Variants in KIAA1217 observed in about 807,000 individuals in gnomAD.
The protein encoded by KIAA1217 is sickle tail protein homolog.
Under a neutral mutation model 163.9 loss-of-function variants are expected in KIAA1217, and 88 were observed. That is an observed-to-expected ratio of 0.54 (90% CI 0.45 to 0.64). KIAA1217 has a LOEUF of 0.64. Among genes scored for constraint, KIAA1217 ranks in the 30% least tolerant of loss-of-function variants. The pLI, the probability that KIAA1217 is intolerant of heterozygous loss-of-function variation, is 0.00. For synonymous variants in KIAA1217, 903 were observed against 923.1 expected (o/e 0.98, Z 0.39); for missense variants, 2,372 against 2,475.0 (o/e 0.96, Z 0.88).
At position 24,154,505 on chromosome 10, in the gene KIAA1217, T is replaced by A. The variant is rs143130269; in HGVS notation, c.-170-65121T>A. Among the ~76,000 whole-genome samples the A allele has an allele frequency of 4.6e-5, 7 of 152,188 alleles. No homozygotes were observed. The East Asian group carries it at 1.4e-3, about 29-fold the overall frequency. On this transcript the variant is annotated intron_variant, in intron 2 of 18. Transcript: ENST00000376462. Reference sequence around the variant, plus strand: ...TTATTGGAAGGATTAAATAAGATAATATAAAAGCACTTAGTGCATTGTGTG... The same window carrying A: ...TTATTGGAAGGATTAAATAAGATAAAATAAAAGCACTTAGTGCATTGTGTG...
chr10:24,308,241 A>G (rs911987885), intron 2 of KIAA1217, among the ~76,000 whole-genome samples: 16 of 152,172 alleles, frequency 1.1e-4, no homozygotes, highest in Non-Finnish European at 2.4e-4. Context: ...CTGATAGCAC[A>G]TGTGTTTCAG....
Position 24,212,866 on chromosome 10 carries a change from C to G in KIAA1217, c.70+3603C>G, listed in dbSNP as rs60288572. 1.5e-4 allele frequency among the ~76,000 whole-genome samples: 23 copies of G among 152,336 alleles called. No homozygotes were observed. In the East Asian group the frequency reaches 3.1e-3, roughly 20 times the overall value. On this transcript the variant is annotated intron_variant, in intron 1 of 20. Transcript: ENST00000376454. ...ACTGGGCAACCTAACAGAGCACTCA[C>G]TGGGCACTGTAGAAGGCACTCAATA... is the stretch of plus-strand genomic sequence containing the variant.
intron 2 of KIAA1217, among the ~76,000 whole-genome samples, chr10:24,323,311 T>G (rs1049984717): frequency 2.0e-5 from 3 of 152,204 alleles, no homozygotes; most frequent in Admixed American, 6.5e-5. Flanking sequence ...TGTTAAACAC[T>G]GGATTAATGG....
intron 1 of KIAA1217, among the ~76,000 whole-genome samples, chr10:23,717,360 T>A (rs1393465389): frequency 6.6e-6 from 1 of 152,142 alleles, no homozygotes; most frequent in East Asian, 1.9e-4. Flanking sequence ...GCACGTACTA[T>A]AGTCCAGGCA....
chr10:23,898,828 A>G lies in KIAA1217; in HGVS notation c.-320-108397A>G, dbSNP rs557544262. On this transcript the variant is annotated intron_variant, in intron 1 of 18. Coordinates refer to the KIAA1217 transcript ENST00000376462. ...ATATACATTTAAAGTGGAATCATAC[A>G]GTATTTGTCTTTTTGTCCCTAGCTT... Among the ~76,000 whole-genome samples, 6 of 152,168 alleles carry G rather than the reference A, an allele frequency of 3.9e-5. No individual in the cohort carries two copies. In the East Asian group the frequency reaches 1.2e-3, roughly 30 times the overall value.
intron 2 of KIAA1217, among the ~76,000 whole-genome samples, chr10:24,033,535 T>G (rs575168739): frequency 2.6e-5 from 4 of 152,368 alleles, no homozygotes; most frequent in African/African-American, 9.6e-5. Context: ...GAGACCATCA[T>G]GACACTTACC....
At position 24,461,192 on chromosome 10, in the gene KIAA1217, G is replaced by T. The variant is rs116416027; in HGVS notation, c.847-12036G>T. Among the ~76,000 whole-genome samples, 799 of 152,030 alleles carry T rather than the reference G, an allele frequency of 5.3e-3. 10 individuals carry two copies. The highest frequency in any genetic ancestry group is 0.019 in the African/African-American group (769 of 41,476). ...ACATCAATTCATTGTTTCAGTTTAG[G>T]TATATCATATCATCAAACTAAAATA... On this transcript the variant is annotated intron_variant, in intron 5 of 20. Transcript: ENST00000376454.
At chr10:23,855,524 C>T (rs1329915886) in intron 1 of KIAA1217, among the ~76,000 whole-genome samples, 21 of 152,144 alleles carry the variant, frequency 1.4e-4, no homozygotes, top group East Asian at 5.8e-4. Flanking sequence ...AGTATCTTTG[C>T]GGCATTCTCT....
intron 1 of KIAA1217, among the ~76,000 whole-genome samples, chr10:23,852,270 A>G (rs944599681): frequency 3.3e-5 from 5 of 152,012 alleles, no homozygotes; most frequent in African/African-American, 7.2e-5. Context: ...ATTAAATAGG[A>G]AATCCTTTCC....
chr10:24,460,274 AT>A (rs2062249086), intron 5 of KIAA1217, among the ~76,000 whole-genome samples: 1 of 152,214 alleles, frequency 6.6e-6, no homozygotes, highest in African/African-American at 2.4e-5. Flanking sequence ...TGTATAACAA[AT>A]GGCATCAATT....
At chr10:23,722,119 G>A (rs1270490701) in intron 1 of KIAA1217, among the ~76,000 whole-genome samples, 1 of 152,154 alleles carries the variant, frequency 6.6e-6, no homozygotes, top group Non-Finnish European at 1.5e-5. Context: ...TGAATCCAAT[G>A]ATATGAGTTA....
At chr10:23,727,751 C>T (rs1355032319) in intron 1 of KIAA1217, among the ~76,000 whole-genome samples, 2 of 152,086 alleles carry the variant, frequency 1.3e-5, no homozygotes, top group African/African-American at 2.4e-5. Context: ...CACTCATCAA[C>T]CTATCATCTA....
intron 3 of KIAA1217, among the ~76,000 whole-genome samples, chr10:24,387,794 C>T (rs1453246690): frequency 6.6e-6 from 1 of 151,968 alleles, no homozygotes; most frequent in Non-Finnish European, 1.5e-5. Context: ...TGAGTGAACT[C>T]CCATTCACAA....
chr10:24,040,617 T>G (rs1848590618), intron 2 of KIAA1217, among the ~76,000 whole-genome samples: 1 of 152,156 alleles, frequency 6.6e-6, no homozygotes, highest in Non-Finnish European at 1.5e-5. Context: ...TTTGCAAACG[T>G]GGTGGTTCAT....
chr10:24,538,776 C>G (rs1282038595), intron 17 of KIAA1217, among the ~76,000 whole-genome samples: 1 of 136,484 alleles, frequency 7.3e-6, no homozygotes, highest in Non-Finnish European at 1.5e-5. Flanking sequence ...ACTCTGTCAC[C>G]CAGGCTGGAT....
chr10:23,998,698 G>A (rs757390497), intron 1 of KIAA1217, among the ~76,000 whole-genome samples: 4 of 152,214 alleles, frequency 2.6e-5, no homozygotes, highest in Non-Finnish European at 4.4e-5. Flanking sequence ...ATTAGTTGGG[G>A]AAACTGGGCA....
In KIAA1217 at chr10:24,545,644, A is replaced by T. The variant is rs2075658760; in HGVS notation, c.5335-183A>T. 9.3e-6 allele frequency: 13 copies of T among 1,398,764 alleles called. No individual in the cohort carries two copies. In the East Asian group the frequency reaches 3.1e-4, roughly 34 times the overall value. 86.6% of individuals were successfully genotyped at this position (1,398,764 alleles called of 1,614,324 possible). A position where few individuals can be genotyped will look rare whatever the true frequency, so the allele number is the denominator to read the frequency against. The stretch of plus-strand genomic sequence containing the variant: ...CCTCCTTTCCCGTCCATCCTTTGCT[A>T]TGTACATGGGGGGTTTCTACCAGGT... On this transcript the variant is annotated intron_variant, in intron 20 of 20. Coordinates refer to ENST00000376454, the MANE Select transcript of KIAA1217 (RefSeq NM_019590.5).
intron 3 of KIAA1217, among the ~76,000 whole-genome samples, chr10:24,388,283 T>C (rs540114484): frequency 6.6e-6 from 1 of 152,068 alleles, no homozygotes; most frequent in Admixed American, 6.5e-5. Context: ...TTGACAAACC[T>C]GACAAAAACA....
At chr10:24,313,123 G>A (rs908412809) in intron 2 of KIAA1217, among the ~76,000 whole-genome samples, 4 of 152,078 alleles carry the variant, frequency 2.6e-5, no homozygotes, top group African/African-American at 9.7e-5. Flanking sequence ...GTCACTGATG[G>A]TATCCTTCTC....
Sources: gnomAD v4.1 joint callset for allele counts (sites outside exome capture counted in the v4.1 genomes callset) on GRCh38, gnomAD v4.1.1 for gene constraint, MANE v1.5 for transcripts, NCBI Gene and HGNC (gene_info 2026-07-23, HGNC 2026-07-21) for gene names.